SOX9: variants seen among roughly 807,000 people sequenced by gnomAD.
SOX9 encodes the protein SRY-box transcription factor 9.
SOX9 carries 2 observed loss-of-function variants against 44.8 expected under a neutral mutation model. The observed-to-expected ratio is 0.04, with a 90% CI of 0.02 to 0.14. SOX9 has a LOEUF of 0.14. Among genes scored for constraint, SOX9 ranks in the 10% least tolerant of loss-of-function variants. SOX9 has a pLI of 1.00. For synonymous variants in SOX9, 381 were observed against 331.8 expected (o/e 1.15, Z -1.61); for missense variants, 583 against 728.6 (o/e 0.80, Z 2.30).
rs1908172518 is a variant in SOX9, at chr17:72,123,448, TAGC to T, written c.686-91_686-89del. The T allele has an allele frequency of 6.4e-7, 1 of 1,560,444 alleles. No individual in the cohort carries two copies. The highest frequency in any genetic ancestry group is 1.4e-5 in the African/African-American group (1 of 73,752). On this transcript the variant is annotated intron_variant, in intron 2 of 2. Transcript: ENST00000245479. This position sits in a 1 kb window ranked among gnomAD's most constrained non-coding sequence, Gnocchi z 6.5. ...GCGGGTGCGGGCCCTTATTACACTTTAGCAGCGAGGGAGGGTCCCCGGAGGGTG... is the reference window on the plus strand; with the variant it reads ...GCGGGTGCGGGCCCTTATTACACTTTAGCGAGGGAGGGTCCCCGGAGGGTG...
chr17:72,126,356 TTCTTTC>T lies in SOX9; in HGVS notation c.*1975_*1980del. On this transcript the variant is annotated 3_prime_UTR_variant, in exon 3 of 3. Transcript: ENST00000245479. The stretch of plus-strand genomic sequence containing the variant: ...CTCCGTGAAACTTACCTTTCCCTTT[TTCTTTC>T]TCTTTTTTTTTTTTGTATATTATTG... 1 of 203,088 alleles carries T rather than the reference TTCTTTC, an allele frequency of 4.9e-6. No individual in the cohort carries two copies. Among genetic ancestry groups the T allele is most frequent in the Non-Finnish European group, 9.3e-6 (1 of 108,094 alleles). The allele number at this position is 203,088 out of a possible 1,614,324, so 12.6% of individuals were successfully genotyped here. A position where few individuals can be genotyped will look rare whatever the true frequency, so the allele number is the denominator to read the frequency against.
rs1345982422 is a variant in SOX9 at position 72,126,389 on chromosome 17, T to C, written c.*2002T>C. 1 of 230,630 alleles carries C rather than the reference T, an allele frequency of 4.3e-6. No individual in the cohort carries two copies. The highest frequency in any genetic ancestry group is 2.2e-5 in the African/African-American group (1 of 45,148). 14.3% of individuals were successfully genotyped at this position (230,630 alleles called of 1,614,324 possible). A position where few individuals can be genotyped will look rare whatever the true frequency, so the allele number is the denominator to read the frequency against. Reference sequence around the variant, plus strand: ...CTTTTTTTTTTTTGTATATTATTGTTTACAATAAATATACATTGCATTAAA... The same window carrying C: ...CTTTTTTTTTTTTGTATATTATTGTCTACAATAAATATACATTGCATTAAA... On this transcript the variant is annotated 3_prime_UTR_variant, in exon 3 of 3. Coordinates refer to ENST00000245479, the MANE Select transcript of SOX9 (RefSeq NM_000346.4).
chr17:72,121,093 A>G lies in SOX9; in HGVS notation c.-299A>G, dbSNP rs1908069511. The G allele has an allele frequency of 1.8e-6, 1 of 545,934 alleles. No homozygotes were observed. Among genetic ancestry groups the G allele is most frequent in the South Asian group, 2.5e-5 (1 of 39,324 alleles). The allele number at this position is 545,934 out of a possible 1,614,324, so 33.8% of individuals were successfully genotyped here. A position where few individuals can be genotyped will look rare whatever the true frequency, so the allele number is the denominator to read the frequency against. The stretch of plus-strand genomic sequence containing the variant: ...GGAGACTCGCCAGTTTCAACCCCGG[A>G]AACTTTTCTTTGCAGGAGGAGAAGA... On this transcript the variant is annotated 5_prime_UTR_variant, in exon 1 of 3. Coordinates refer to ENST00000245479, the MANE Select transcript of SOX9 (RefSeq NM_000346.4). The surrounding 1 kb of genome is among the most constrained non-coding windows in gnomAD (Gnocchi z 8.3).
In SOX9 at chr17:72,122,671, G is replaced by A. The variant is rs760018744; in HGVS notation, c.432-48G>A. ...ACCTGACAGTTTGGCGGATTTCACT[G>A]ACCCCTCTCCCTCTTTTTCTCTGTG... On this transcript the variant is annotated intron_variant, in intron 1 of 2. Transcript: ENST00000245479. The A allele has an allele frequency of 9.4e-6, 15 of 1,590,528 alleles. 1 individual carries two copies. Among genetic ancestry groups the A allele is most frequent in the Middle Eastern group, 1.9e-4 (1 of 5,264 alleles).
At position 72,122,920 on chromosome 17, in the gene SOX9, G is replaced by A. The variant is rs1223393659; in HGVS notation, c.633G>A (p.Ser211=). The A allele has an allele frequency of 6.2e-7, 1 of 1,613,952 alleles. No homozygotes were observed. The highest frequency in any genetic ancestry group is 1.3e-5 in the African/African-American group (1 of 74,922). Residue 211 remains serine (S), a synonymous_variant, in exon 2 of 3, where the codon TCG becomes TCA. Coordinates refer to ENST00000245479, the MANE Select transcript of SOX9 (RefSeq NM_000346.4). ...TCTTCAAGGCGCTGCAGGCCGACTC[G>A]CCACACTCCTCCTCCGGCATGAGCG... ...NAIFKALQAD[S]PHSSSGMSEV...
rs193920972 is a variant in SOX9 at position 72,121,452 on chromosome 17, G to A, written c.61G>A (p.Ala21Thr). Residue 21 changes from alanine to threonine, a missense_variant, in exon 1 of 3, where the codon GCC becomes ACC. By Grantham distance (58) the Ala-to-Thr change is moderately conservative. Around this residue, in one of 7 missense-constraint regions of SOX9, gnomAD observed 101 missense variants for 98.6 expected, o/e 1.02. Transcript: ENST00000245479. This position sits in a 1 kb window ranked among gnomAD's most constrained non-coding sequence, Gnocchi z 8.3. ...CGAGCAGGAGAAGGGCCTGTCCGGC[G>A]CCCCCAGCCCCACCATGTCCGAGGA... ...TDEQEKGLSG[A>T]PSPTMSEDSA... The A allele has an allele frequency of 1.9e-6, 3 of 1,612,780 alleles. No individual in the cohort carries two copies. The highest frequency in any genetic ancestry group is 3.3e-5 in the Admixed American group (2 of 59,996).
At chr17:72,122,696 GC>G (rs1908137870) in intron 1 of SOX9, 22 bp from the exon 2 acceptor site, 1 of 1,610,428 alleles carries the variant, frequency 6.2e-7, no homozygotes, top group Non-Finnish European at 8.5e-7. Context: ...TTTTCTCTGT[GC>G]CCCCCGCCCC....
Position 72,126,334 on chromosome 17 carries a change from C to T in SOX9, c.*1947C>T, listed in dbSNP as rs943359978. ...CCAGCCCCAAACCTTTTGTTCTCTC[C>T]GTGAAACTTACCTTTCCCTTTTTCT... is the stretch of plus-strand genomic sequence containing the variant. On this transcript the variant is annotated 3_prime_UTR_variant, in exon 3 of 3. Transcript: ENST00000245479. The T allele has an allele frequency of 3.5e-5, 8 of 231,154 alleles. No homozygotes were observed. Among genetic ancestry groups the T allele is most frequent in the East Asian group, 6.1e-5 (1 of 16,314 alleles). 14.3% of individuals were successfully genotyped at this position (231,154 alleles called of 1,614,324 possible). A position where few individuals can be genotyped will look rare whatever the true frequency, so the allele number is the denominator to read the frequency against.
rs2143248117 is a variant in SOX9 at position 72,123,043 on chromosome 17, G to A, written c.685+71G>A. 1.9e-6 allele frequency: 3 copies of A among 1,579,422 alleles called. No homozygotes were observed. The highest frequency in any genetic ancestry group is 1.7e-6 in the Non-Finnish European group (2 of 1,161,180). On this transcript the variant is annotated intron_variant, in intron 2 of 2. Coordinates refer to ENST00000245479, the MANE Select transcript of SOX9 (RefSeq NM_000346.4). The surrounding 1 kb of genome is among the most constrained non-coding windows in gnomAD (Gnocchi z 6.5). The stretch of plus-strand genomic sequence containing the variant: ...CTGGCACACCCCCTGCCCTCCGCCT[G>A]GGAGATTCTTCGTGGGGACTTTATG...
In SOX9 at chr17:72,124,310, G is replaced by T. The variant is rs777058267; in HGVS notation, c.1453G>T (p.Gly485Trp). The part of the protein sequence containing the change: ...PMYTPIADTS[G>W]VPSIPQTHSP... ...GTACACCCCCATCGCCGACACCTCT[G>T]GGGTCCCTTCCATCCCGCAGACCCA... The change falls in exon 3 of 3, where the codon GGG becomes TGG. Residue 485 changes from glycine to tryptophan, a missense_variant. Gly to Trp is a radical substitution (Grantham distance 184). Coordinates refer to ENST00000245479, the MANE Select transcript of SOX9 (RefSeq NM_000346.4). This position sits in a 1 kb window ranked among gnomAD's most constrained non-coding sequence, Gnocchi z 4.6. The T allele has an allele frequency of 6.2e-7, 1 of 1,606,676 alleles. No homozygotes were observed. The highest frequency in any genetic ancestry group is 1.1e-5 in the South Asian group (1 of 91,066).
Position 72,124,606 on chromosome 17 carries a change from C to A in SOX9, c.*219C>A. On this transcript the variant is annotated 3_prime_UTR_variant, in exon 3 of 3. Coordinates refer to ENST00000245479, the MANE Select transcript of SOX9 (RefSeq NM_000346.4). The surrounding 1 kb of genome is among the most constrained non-coding windows in gnomAD (Gnocchi z 4.6). ...AACATGACCTATCCAAGCGCATTAC[C>A]CACTTGTGGCCAATCAGTGGCCAGG... 1.6e-6 allele frequency: 1 copy of A among 625,778 alleles called. No homozygotes were observed. Among genetic ancestry groups the A allele is most frequent in the South Asian group, 1.9e-5 (1 of 52,028 alleles). 38.8% of individuals were successfully genotyped at this position (625,778 alleles called of 1,614,324 possible). A position where few individuals can be genotyped will look rare whatever the true frequency, so the allele number is the denominator to read the frequency against.
In SOX9 at chr17:72,123,685, C is replaced by G. The variant is rs1354088277; in HGVS notation, c.828C>G (p.Gly276=). 3.7e-6 allele frequency: 6 copies of G among 1,614,052 alleles called. No individual in the cohort carries two copies. Among genetic ancestry groups the G allele is most frequent in the Middle Eastern group, 1.6e-4 (1 of 6,062 alleles). Residue 276 remains glycine (G), a synonymous_variant, in exon 3 of 3, where the codon GGC becomes GGG. Coordinates refer to ENST00000245479, the MANE Select transcript of SOX9 (RefSeq NM_000346.4). This position sits in a 1 kb window ranked among gnomAD's most constrained non-coding sequence, Gnocchi z 6.5. ...TCGACTTCCGCGACGTGGACATCGG[C>G]GAGCTGAGCAGCGACGTCATCTCCA... ...PPIDFRDVDI[G]ELSSDVISNI...
At position 72,123,319 on chromosome 17, in the gene SOX9, G is replaced by A. The variant is rs543509282; in HGVS notation, c.686-224G>A. On this transcript the variant is annotated intron_variant, in intron 2 of 2. Transcript: ENST00000245479. The surrounding 1 kb of genome is among the most constrained non-coding windows in gnomAD (Gnocchi z 6.5). ...ACACAAGTAGCAATTAGGTCTTCCG[G>A]ACCCTCCGGGCCCCAGACCCTCCCC... is the stretch of plus-strand genomic sequence containing the variant. Among the ~76,000 whole-genome samples, 3 of 152,190 alleles carry A rather than the reference G, an allele frequency of 2.0e-5. No individual in the cohort carries two copies. The highest frequency in any genetic ancestry group is 4.4e-5 in the Non-Finnish European group (3 of 68,034).
In SOX9 at chr17:72,123,931, GC is replaced by G; in HGVS notation, c.1079del (p.Pro360ArgfsTer23). On this transcript the variant is annotated frameshift_variant, in exon 3 of 3. Transcript: ENST00000245479. LOFTEE classifies it high-confidence loss of function. The surrounding 1 kb of genome is among the most constrained non-coding windows in gnomAD (Gnocchi z 6.5). ...PPQAPPAPQA[P>X]PQPQAAPPQQ... ...CACAGGCCCCGCCGGCCCCGCAGGC[GC>G]CCCCGCAGCCGCAGGCGGCGCCCCC... 5 of 1,291,056 alleles carry G rather than the reference GC, an allele frequency of 3.9e-6. No individual in the cohort carries two copies. Among genetic ancestry groups the G allele is most frequent in the Non-Finnish European group, 3.9e-6 (4 of 1,027,558 alleles). The allele number at this position is 1,291,056 out of a possible 1,614,324, so 80.0% of individuals were successfully genotyped here.
In SOX9 at chr17:72,121,155, C is replaced by G; in HGVS notation, c.-237C>G. ...AGCGCCCCCACTTTTGCTCTTTTTC[C>G]TCCCCTCCTCCTCCTCTCCAATTCG... On this transcript the variant is annotated 5_prime_UTR_variant, in exon 1 of 3. Coordinates refer to ENST00000245479, the MANE Select transcript of SOX9 (RefSeq NM_000346.4). The surrounding 1 kb of genome is among the most constrained non-coding windows in gnomAD (Gnocchi z 8.3). The G allele has an allele frequency of 3.5e-6, 2 of 572,156 alleles. No homozygotes were observed. The highest frequency in any genetic ancestry group is 2.1e-5 in the South Asian group (1 of 46,854). 35.4% of individuals were successfully genotyped at this position (572,156 alleles called of 1,614,324 possible).
rs1211857552 is a variant in SOX9 at position 72,121,066 on chromosome 17, G to A, written c.-326G>A. 1.8e-6 allele frequency: 1 copy of A among 542,070 alleles called. No homozygotes were observed. Among genetic ancestry groups the A allele is most frequent in the Non-Finnish European group, 3.2e-6 (1 of 311,626 alleles). The allele number at this position is 542,070 out of a possible 1,614,324, so 33.6% of individuals were successfully genotyped here. ...GAAACTGACTGGAAACTTCAGTGGC[G>A]CGGAGACTCGCCAGTTTCAACCCCG... On this transcript the variant is annotated 5_prime_UTR_variant, in exon 1 of 3. Transcript: ENST00000245479. The surrounding 1 kb of genome is among the most constrained non-coding windows in gnomAD (Gnocchi z 8.3).
Position 72,125,574 on chromosome 17 carries a change from A to G in SOX9, c.*1187A>G, listed in dbSNP as rs1215087540. The G allele has an allele frequency of 9.1e-6, 2 of 219,344 alleles. No homozygotes were observed. The highest frequency in any genetic ancestry group is 4.7e-5 in the African/African-American group (2 of 42,990). 13.6% of individuals were successfully genotyped at this position (219,344 alleles called of 1,614,324 possible). ...AAATTCTTTTTTTTTTTTTTTTCCAATTTTACCTTCTTTAAAATAGGTTGT... is the reference window on the plus strand; with the variant it reads ...AAATTCTTTTTTTTTTTTTTTTCCAGTTTTACCTTCTTTAAAATAGGTTGT... On this transcript the variant is annotated 3_prime_UTR_variant, in exon 3 of 3. Transcript: ENST00000245479.
At chr17:72,122,589 G>A in intron 1 of SOX9, 130 bp from the exon 2 acceptor site, 1 of 747,280 alleles carries the variant, frequency 1.3e-6, no homozygotes, top group South Asian at 1.7e-5. Context: ...CAGGAGGGAA[G>A]ATGGAGTTGT....
Position 72,121,066 on chromosome 17 carries a change from G to T in SOX9, c.-326G>T, listed in dbSNP as rs1211857552. 3.7e-6 allele frequency: 2 copies of T among 541,952 alleles called. No homozygotes were observed. The highest frequency in any genetic ancestry group is 4.0e-5 in the African/African-American group (2 of 49,516). 33.6% of individuals were successfully genotyped at this position (541,952 alleles called of 1,614,324 possible). On this transcript the variant is annotated 5_prime_UTR_variant, in exon 1 of 3. Coordinates refer to ENST00000245479, the MANE Select transcript of SOX9 (RefSeq NM_000346.4). This position sits in a 1 kb window ranked among gnomAD's most constrained non-coding sequence, Gnocchi z 8.3. ...GAAACTGACTGGAAACTTCAGTGGC[G>T]CGGAGACTCGCCAGTTTCAACCCCG...
Sources: allele counts gnomAD v4.1 joint callset (sites outside exome capture counted in the v4.1 genomes callset), GRCh38; gene constraint gnomAD v4.1.1; regional missense constraint gnomAD v4.1.1; non-coding constraint Gnocchi (gnomAD v3.1); transcripts MANE v1.5; gene names NCBI Gene and HGNC (gene_info 2026-07-23, HGNC 2026-07-21).